PIAS2: variants seen among roughly 807,000 people sequenced by gnomAD.
PIAS2 encodes protein inhibitor of activated STAT 2, also known as E3 SUMO-protein ligase PIAS2.
Under a neutral mutation model 69.7 loss-of-function variants are expected in PIAS2, and 19 were observed. That is an observed-to-expected ratio of 0.27 (90% CI 0.19 to 0.40). The LOEUF (loss-of-function observed/expected upper bound fraction) is 0.40, where lower values mean the gene tolerates loss of function less well. Ranked by LOEUF, PIAS2 falls within the 10% of genes least tolerant of loss-of-function variation. The pLI is 1.00. For missense variants in PIAS2, 624 were observed against 757.0 expected, an observed-to-expected ratio of 0.82 and a Z score of 2.06; for synonymous variants, 261 against 263.2, an observed-to-expected ratio of 0.99 and a Z score of 0.08.
At chr18:46,896,422 A>G (rs770764447) in intron 1 of PIAS2, among the ~76,000 whole-genome samples, 8 of 152,212 alleles carry the variant, frequency 5.3e-5, no homozygotes, top group Non-Finnish European at 1.0e-4. Context: ...TCCACATCCA[A>G]AAACATCTAC....
chr18:46,805,473 C>G lies in PIAS2; in HGVS notation c.*6960G>C, dbSNP rs2040643359. 1 of 152,162 alleles carries G rather than the reference C, an allele frequency of 6.6e-6. No homozygotes were observed. Among genetic ancestry groups the G allele is most frequent in the Non-Finnish European group, 1.5e-5 (1 of 68,044 alleles). 9.4% of individuals were successfully genotyped at this position (152,162 alleles called of 1,614,324 possible). A position where few individuals can be genotyped will look rare whatever the true frequency, so the allele number is the denominator to read the frequency against. On this transcript the variant is annotated 3_prime_UTR_variant, in exon 14 of 14. Transcript: ENST00000585916. ...CAGGCAGTTATAAGACTAGAGGTAG[C>G]TGATAGTATAACCTCTTGGCATGAG...
chr18:46,898,900 C>T (rs2055333367), intron 1 of PIAS2, among the ~76,000 whole-genome samples: 1 of 150,930 alleles, frequency 6.6e-6, no homozygotes, highest in African/African-American at 2.4e-5. Context: ...GAGGCTGAGG[C>T]AGGAAAATTG....
chr18:46,906,972 A>G (rs1044268563), intron 1 of PIAS2, among the ~76,000 whole-genome samples: 8 of 152,152 alleles, frequency 5.3e-5, no homozygotes, highest in South Asian at 4.2e-4. Context: ...AAAAACAAAA[A>G]TCTGTGTGAA....
intron 3 of PIAS2, among the ~76,000 whole-genome samples, chr18:46,856,509 A>G (rs1451642549): frequency 6.6e-6 from 1 of 152,152 alleles, no homozygotes. Flanking sequence ...TAATTTCTAG[A>G]TGAGAATCTA....
chr18:46,912,035 G>C (rs866671306), intron 1 of PIAS2, among the ~76,000 whole-genome samples: 2 of 151,310 alleles, frequency 1.3e-5, no homozygotes, highest in Non-Finnish European at 2.9e-5. Context: ...TGGGCAACAA[G>C]AGCAAAATCC....
chr18:46,911,174 C>A (rs2057218091), intron 1 of PIAS2, among the ~76,000 whole-genome samples: 2 of 151,232 alleles, frequency 1.3e-5, no homozygotes, highest in Admixed American at 1.3e-4. Flanking sequence ...AAAATAACTT[C>A]AATGAGCTTT....
At chr18:46,872,184 G>C (rs1163833963) in intron 2 of PIAS2, among the ~76,000 whole-genome samples, 1 of 152,126 alleles carries the variant, frequency 6.6e-6, no homozygotes, top group Non-Finnish European at 1.5e-5. Context: ...GCTGACTAGT[G>C]CAAGGCCCCA....
chr18:46,817,085 TTTC>T, intron 12 of PIAS2: 3 of 946,814 alleles, frequency 3.2e-6, no homozygotes, highest in African/African-American at 1.8e-5. Context: ...GTATAACCGT[TTTC>T]TTTTTACAGT....
At chr18:46,880,198 C>A (rs1216477536) in intron 2 of PIAS2, among the ~76,000 whole-genome samples, 1 of 151,806 alleles carries the variant, frequency 6.6e-6, no homozygotes. Flanking sequence ...GAGTTCCTGA[C>A]CAGCCTAGGG....
chr18:46,903,554 T>A (rs2056187471), intron 1 of PIAS2: 1 of 152,130 alleles, frequency 6.6e-6, no homozygotes, highest in South Asian at 2.1e-4. Flanking sequence ...AAAACACTGA[T>A]AACACCAAAT....
chr18:46,864,094 T>A (rs2049058522), intron 3 of PIAS2, 70 bp downstream of exon 3: 4 of 879,988 alleles, frequency 4.5e-6, no homozygotes, highest in Admixed American at 5.0e-5. Flanking sequence ...TCTGTGAAAT[T>A]TTGTTATGGC....
chr18:46,853,343 AT>A (rs2047265440), intron 5 of PIAS2: 1 of 151,788 alleles, frequency 6.6e-6, no homozygotes, highest in Admixed American at 6.6e-5. Flanking sequence ...GCAAAGAAAA[AT>A]GGTTATGAAA....
rs2045805857 is a variant in PIAS2, at chr18:46,844,041, T to C, written c.1041+13A>G. 6.9e-7 allele frequency: 1 copy of C among 1,455,314 alleles called. No homozygotes were observed. Among genetic ancestry groups the C allele is most frequent in the East Asian group, 2.5e-5 (1 of 40,016 alleles). 90.2% of individuals were successfully genotyped at this position (1,455,314 alleles called of 1,614,324 possible). A position where few individuals can be genotyped will look rare whatever the true frequency, so the allele number is the denominator to read the frequency against. Reference sequence around the variant, plus strand: ...AAGTCAAATTCCCCAAAATGTTTTGTTGCTTTACTTACAGGGCACATCAAG... The same window carrying C: ...AAGTCAAATTCCCCAAAATGTTTTGCTGCTTTACTTACAGGGCACATCAAG... On this transcript the variant is annotated intron_variant, in intron 8 of 13. Transcript: ENST00000585916.
chr18:46,838,800 C>T (rs1761221496), intron 8 of PIAS2, among the ~76,000 whole-genome samples: 1 of 152,196 alleles, frequency 6.6e-6, no homozygotes, highest in Admixed American at 6.5e-5. Context: ...CACACACTCA[C>T]TGAGACACAG....
chr18:46,832,201 G>C (rs1021464592), intron 9 of PIAS2, among the ~76,000 whole-genome samples: 2 of 152,136 alleles, frequency 1.3e-5, no homozygotes, highest in Non-Finnish European at 2.9e-5. Context: ...TGGATCACGA[G>C]GTCGGGAGTT....
intron 13 of PIAS2, 68 bp downstream of exon 13, chr18:46,815,244 C>A (rs2041383487): frequency 7.7e-7 from 1 of 1,296,910 alleles, no homozygotes; most frequent in South Asian, 1.2e-5. Flanking sequence ...TGCAACTGGT[C>A]ATTTTTAGTT....
intron 5 of PIAS2, among the ~76,000 whole-genome samples, chr18:46,852,146 A>T (rs2047062455): frequency 6.6e-6 from 1 of 152,230 alleles, no homozygotes; most frequent in South Asian, 2.1e-4. Flanking sequence ...TAAAAACTGC[A>T]GAATCTTGTT....
At chr18:46,899,500 C>T (rs2055445442) in intron 1 of PIAS2, among the ~76,000 whole-genome samples, 1 of 152,218 alleles carries the variant, frequency 6.6e-6, no homozygotes, top group African/African-American at 2.4e-5. Flanking sequence ...GAGACAGGGT[C>T]TTGGCTCAGC....
At chr18:46,912,856 C>A (rs1453243275) in intron 1 of PIAS2, among the ~76,000 whole-genome samples, 1 of 151,970 alleles carries the variant, frequency 6.6e-6, no homozygotes, top group Non-Finnish European at 1.5e-5. Context: ...ACTGTCTGCA[C>A]AAATATTGCT....
Sources: allele counts gnomAD v4.1 joint callset (sites outside exome capture counted in the v4.1 genomes callset), GRCh38; gene constraint gnomAD v4.1.1; transcripts MANE v1.5; gene names NCBI Gene and HGNC (gene_info 2026-07-23, HGNC 2026-07-21).